Variants in SCTR observed in about 807,000 individuals in gnomAD.
SCTR encodes the protein secretin receptor, also known as pancreatic secretin receptor.
Under a neutral mutation model 60.8 loss-of-function variants are expected in SCTR, and 56 were observed. That is an observed-to-expected ratio of 0.92 (90% CI 0.74 to 1.15). SCTR has a LOEUF of 1.15. Ranked by LOEUF, SCTR falls within the 50% of genes most tolerant of loss-of-function variation. SCTR has a pLI of 0.00. For synonymous variants in SCTR, 202 were observed against 217.0 expected (o/e 0.93, Z 0.61); for missense variants, 562 against 550.4 (o/e 1.02, Z -0.21).
intron 1 of SCTR, among the ~76,000 whole-genome samples, chr2:119,523,789 T>A (rs778410889): frequency 2.6e-5 from 4 of 152,076 alleles, no homozygotes; most frequent in Non-Finnish European, 5.9e-5. Context: ...GAAAGGTGAT[T>A]ACCAGGTTTC....
chr2:119,485,110 G>A (rs1476083986), intron 2 of SCTR, among the ~76,000 whole-genome samples: 1 of 152,220 alleles, frequency 6.6e-6, no homozygotes, highest in East Asian at 1.9e-4. Flanking sequence ...TCAGCTGCAG[G>A]CGAGATCCCC....
At chr2:119,447,689 A>G (rs1020591689) in intron 10 of SCTR, among the ~76,000 whole-genome samples, 1 of 152,132 alleles carries the variant, frequency 6.6e-6, no homozygotes, top group Admixed American at 6.5e-5. Flanking sequence ...CTCCTATCTC[A>G]GCCTCCCGAG....
At position 119,524,364 on chromosome 2, in the gene SCTR, GACCT is replaced by G; in HGVS notation, c.-142_-139del. On this transcript the variant is annotated 5_prime_UTR_variant, in exon 1 of 13. Coordinates refer to ENST00000019103, the MANE Select transcript of SCTR (RefSeq NM_002980.3). The stretch of plus-strand genomic sequence containing the variant: ...CCGAGGAGCCATGGCTGAGCCACCC[GACCT>G]GCGGCGGGCCCCGGGACTGCTCCTC... 2.0e-6 allele frequency: 1 copy of G among 500,856 alleles called. No homozygotes were observed. Among genetic ancestry groups the G allele is most frequent in the Non-Finnish European group, 3.2e-6 (1 of 310,600 alleles). 31.0% of individuals were successfully genotyped at this position (500,856 alleles called of 1,614,324 possible).
chr2:119,455,973 G>A (rs1424597695), intron 7 of SCTR, among the ~76,000 whole-genome samples: 1 of 151,160 alleles, frequency 6.6e-6, no homozygotes, highest in Non-Finnish European at 1.5e-5. Flanking sequence ...GGAGTAAAAA[G>A]TTCAGGAAGC....
chr2:119,503,297 C>T (rs72834826), intron 1 of SCTR, among the ~76,000 whole-genome samples: 7,873 of 151,996 alleles, frequency 0.052, 286 homozygotes, highest in African/African-American at 0.1. Flanking sequence ...CTGGCAGTGG[C>T]GTCTTACACT....
At chr2:119,462,031 C>T (rs755889888) in intron 6 of SCTR, 31 bp from the exon 7 acceptor site, 20 of 1,575,036 alleles carry the variant, frequency 1.3e-5, no homozygotes, top group South Asian at 1.1e-4. Flanking sequence ...GAACCCAGGC[C>T]GGGTGGCAGT....
At chr2:119,480,345 G>A (rs1558862903) in intron 2 of SCTR, among the ~76,000 whole-genome samples, 1 of 152,188 alleles carries the variant, frequency 6.6e-6, no homozygotes, top group Non-Finnish European at 1.5e-5. Context: ...CGGTGGGCAG[G>A]AGGACACATG....
chr2:119,497,682 T>C (rs900159937), intron 1 of SCTR, among the ~76,000 whole-genome samples: 1 of 151,672 alleles, frequency 6.6e-6, no homozygotes, highest in Non-Finnish European at 1.5e-5. Flanking sequence ...AAGAATCAAA[T>C]GGAAATTTTA....
At chr2:119,506,304 C>A (rs1678737592) in intron 1 of SCTR, among the ~76,000 whole-genome samples, 1 of 152,138 alleles carries the variant, frequency 6.6e-6, no homozygotes. Context: ...TACATTCATA[C>A]TATGGAACCC....
intron 4 of SCTR, among the ~76,000 whole-genome samples, chr2:119,469,438 C>T (rs1053452183): frequency 6.6e-6 from 1 of 152,134 alleles, no homozygotes; most frequent in African/African-American, 2.4e-5. Flanking sequence ...ACCTCACCCA[C>T]CCAGAAACAG....
intron 12 of SCTR, among the ~76,000 whole-genome samples, chr2:119,441,257 A>G (rs554626053): frequency 2.6e-5 from 4 of 152,368 alleles, no homozygotes; most frequent in South Asian, 2.1e-4. Context: ...ACAGATCAAC[A>G]TCGGCACCAG....
intron 7 of SCTR, among the ~76,000 whole-genome samples, chr2:119,460,057 G>A (rs1302782383): frequency 1.3e-5 from 2 of 151,478 alleles, no homozygotes; most frequent in Non-Finnish European, 2.9e-5. Flanking sequence ...GTGCTGACTG[G>A]GCTGCCAAGG....
intron 2 of SCTR, among the ~76,000 whole-genome samples, chr2:119,493,397 T>C (rs908795491): frequency 6.6e-6 from 1 of 152,206 alleles, no homozygotes; most frequent in Non-Finnish European, 1.5e-5. Flanking sequence ...ATTTGAACCC[T>C]GGCAGTGGGT....
intron 2 of SCTR, 176 bp from the exon 3 acceptor site, chr2:119,479,094 G>C: frequency 1.4e-6 from 2 of 1,436,320 alleles, no homozygotes; most frequent in Non-Finnish European, 1.8e-6. Context: ...ATGCACCCTT[G>C]GACTCTGCCA....
intron 4 of SCTR, among the ~76,000 whole-genome samples, chr2:119,473,030 A>G (rs73951140): frequency 0.014 from 2,135 of 152,282 alleles, 41 homozygotes; most frequent in African/African-American, 0.046. Context: ...TGTCAGCATT[A>G]TTAACACCAT....
At chr2:119,512,769 C>T (rs1319902842) in intron 1 of SCTR, among the ~76,000 whole-genome samples, 2 of 152,184 alleles carry the variant, frequency 1.3e-5, no homozygotes, top group Non-Finnish European at 2.9e-5. Flanking sequence ...TTGTTTCATA[C>T]ATTTAACTTC....
At chr2:119,498,911 A>G (rs1011728072) in intron 1 of SCTR, among the ~76,000 whole-genome samples, 2 of 152,052 alleles carry the variant, frequency 1.3e-5, no homozygotes, top group African/African-American at 2.4e-5. Flanking sequence ...AAATGGTCTA[A>G]ACACACCAAT....
chr2:119,505,582 C>G (rs113465242), intron 1 of SCTR, among the ~76,000 whole-genome samples: 5 of 151,958 alleles, frequency 3.3e-5, no homozygotes, highest in Non-Finnish European at 2.9e-5. Context: ...TGGAAACCAT[C>G]GTTCTCAGCA....
At chr2:119,451,950 G>T in intron 9 of SCTR, 60 bp downstream of exon 9, 2 of 1,048,768 alleles carry the variant, frequency 1.9e-6, no homozygotes, top group South Asian at 1.3e-5. Context: ...GCCCCTGTGG[G>T]CTGGTCACCA....
Sources: allele counts gnomAD v4.1 joint callset (sites outside exome capture counted in the v4.1 genomes callset), GRCh38; gene constraint gnomAD v4.1.1; transcripts MANE v1.5; gene names NCBI Gene and HGNC (gene_info 2026-07-23, HGNC 2026-07-21).